The following GRID2 variants were observed in gnomAD, a reference collection of about 807,000 sequenced individuals.
GRID2 encodes glutamate ionotropic receptor delta type subunit 2.
Under a neutral mutation model 114.8 loss-of-function variants are expected in GRID2, and 33 were observed. The ratio of observed to expected loss-of-function variants is 0.29; its 90% CI spans 0.22 to 0.38. The LOEUF (loss-of-function observed/expected upper bound fraction) is 0.38, where lower values mean the gene tolerates loss of function less well. Among genes scored for constraint, GRID2 ranks in the 10% least tolerant of loss-of-function variants. The pLI is 1.00. For synonymous variants in GRID2, 505 were observed against 449.9 expected (o/e 1.12, Z -1.55); for missense variants, 1,184 against 1,257.7 (o/e 0.94, Z 0.89).
At chr4:92,761,986 T>A (rs1185664858) in intron 2 of GRID2, among the ~76,000 whole-genome samples, 1 of 152,196 alleles carries the variant, frequency 6.6e-6, no homozygotes, top group Non-Finnish European at 1.5e-5. Context: ...TGGAGTGCAG[T>A]GGCACAATCT....
chr4:93,276,035 G>T (rs1381615757), intron 8 of GRID2, among the ~76,000 whole-genome samples: 3 of 151,694 alleles, frequency 2.0e-5, no homozygotes, highest in Admixed American at 6.6e-5. Flanking sequence ...TTAACCCAAG[G>T]TCCCAAAACT....
chr4:93,376,595 C>T (rs867198934), intron 8 of GRID2, among the ~76,000 whole-genome samples: 5 of 152,116 alleles, frequency 3.3e-5, no homozygotes, highest in African/African-American at 1.2e-4. Flanking sequence ...TTAATACTGA[C>T]TGGTTATTTG....
intron 8 of GRID2, among the ~76,000 whole-genome samples, chr4:93,316,252 AAAAAG>A (rs756030917): frequency 1.3e-5 from 2 of 149,160 alleles, no homozygotes; most frequent in Non-Finnish European, 3.0e-5. Context: ...AGGCAAGAAA[AAAAAG>A]AAAGAAAGAG....
At chr4:93,242,618 C>T (rs962924628) in intron 8 of GRID2, among the ~76,000 whole-genome samples, 2 of 151,834 alleles carry the variant, frequency 1.3e-5, no homozygotes, top group East Asian at 1.9e-4. Context: ...AAGTATGGCT[C>T]GAGAGGTTAG....
chr4:93,088,359 C>T (rs1477158416), intron 3 of GRID2, among the ~76,000 whole-genome samples: 2 of 152,150 alleles, frequency 1.3e-5, no homozygotes, highest in African/African-American at 4.8e-5. Flanking sequence ...TCATTGCTCA[C>T]TTGCTCAGTG....
At chr4:93,731,932 C>T (rs1368490510) in intron 14 of GRID2, among the ~76,000 whole-genome samples, 1 of 152,142 alleles carries the variant, frequency 6.6e-6, no homozygotes, top group Non-Finnish European at 1.5e-5. Flanking sequence ...GACCCGTCTT[C>T]GCACAGAATC....
chr4:93,792,506 C>T (rs1391060437), intron 1 of GRID2, among the ~76,000 whole-genome samples: 1 of 152,152 alleles, frequency 6.6e-6, no homozygotes, highest in Non-Finnish European at 1.5e-5. Flanking sequence ...TTCTTCCTCA[C>T]CTACATTAGG....
chr4:92,494,114 G>A (rs942334996), intron 1 of GRID2, among the ~76,000 whole-genome samples: 1 of 151,944 alleles, frequency 6.6e-6, no homozygotes, highest in Non-Finnish European at 1.5e-5. Context: ...ATCTGCTATT[G>A]AGAAAATTTT....
intron 10 of GRID2, among the ~76,000 whole-genome samples, chr4:93,436,490 CA>C (rs1479197567): frequency 6.6e-6 from 1 of 152,042 alleles, no homozygotes; most frequent in African/African-American, 2.4e-5. Flanking sequence ...ACACCTAGAG[CA>C]AGCCTCGGGG....
chr4:92,338,079 A>T (rs1727279646), intron 1 of GRID2, among the ~76,000 whole-genome samples: 1 of 152,146 alleles, frequency 6.6e-6, no homozygotes, highest in South Asian at 2.1e-4. Flanking sequence ...TGCATGGAAG[A>T]GATTTTTCTT....
chr4:93,515,371 C>T lies in GRID2; in HGVS notation c.2153C>T (p.Ser718Leu), dbSNP rs757924739. The T allele has an allele frequency of 1.1e-5, 17 of 1,612,774 alleles. No homozygotes were observed. Among genetic ancestry groups the T allele is most frequent in the African/African-American group, 1.3e-5 (1 of 74,856 alleles). Reference sequence around the variant, plus strand: ...CGGATGATCAACCGAAGCAATGGATCGGAGAACAATGTTCTGGAGTCCCAG... The same window carrying T: ...CGGATGATCAACCGAAGCAATGGATTGGAGAACAATGTTCTGGAGTCCCAG... Reference protein sequence around the residue: ...MWRMINRSNGSENNVLESQAG... With the variant: ...MWRMINRSNGLENNVLESQAG... Residue 718 changes from serine to leucine, a missense_variant, in exon 13 of 16, where the codon TCG (serine) becomes TTG (leucine). By Grantham distance (145) the Ser-to-Leu change is moderately radical. Around this residue, in one of 3 missense-constraint regions of GRID2, gnomAD observed 717 missense variants for 796.9 expected, o/e 0.90. Transcript: ENST00000282020.
intron 8 of GRID2, among the ~76,000 whole-genome samples, chr4:93,393,409 A>G (rs891464501): frequency 1.3e-5 from 2 of 151,940 alleles, no homozygotes; most frequent in African/African-American, 2.4e-5. Context: ...GAGAGAAATT[A>G]TTGTCTTGTA....
intron 4 of GRID2, among the ~76,000 whole-genome samples, chr4:93,140,736 G>C (rs1041951603): frequency 6.6e-6 from 1 of 152,164 alleles, no homozygotes; most frequent in Non-Finnish European, 1.5e-5. Context: ...AGCATGTTAA[G>C]CAAATTTCAA....
chr4:92,703,185 CATG>C (rs749214313), intron 2 of GRID2, among the ~76,000 whole-genome samples: 1 of 151,982 alleles, frequency 6.6e-6, no homozygotes, highest in Non-Finnish European at 1.5e-5. Context: ...AGAAGAAAAA[CATG>C]GTAATAAATA....
chr4:93,032,113 A>G (rs890833559), intron 2 of GRID2, among the ~76,000 whole-genome samples: 1 of 152,144 alleles, frequency 6.6e-6, no homozygotes, highest in Admixed American at 6.6e-5. Flanking sequence ...ACTATACTCA[A>G]TTTCACCATA....
At chr4:92,552,939 A>C (rs1017701667) in intron 1 of GRID2, among the ~76,000 whole-genome samples, 6 of 152,160 alleles carry the variant, frequency 3.9e-5, no homozygotes, top group African/African-American at 1.4e-4. Flanking sequence ...ATTTTGCCAA[A>C]GGTAGATCAG....
chr4:92,512,786 T>C lies in GRID2; in HGVS notation c.89-77345T>C, dbSNP rs115718404. 5.7e-3 allele frequency among the ~76,000 whole-genome samples: 862 copies of C among 151,962 alleles called. 11 individuals carry two copies. The highest frequency in any genetic ancestry group is 0.02 in the African/African-American group (823 of 41,512). On this transcript the variant is annotated intron_variant, in intron 1 of 15. Coordinates refer to ENST00000282020, the MANE Select transcript of GRID2 (RefSeq NM_001510.4). ...CTGTTAGAAGTAAGAATGGGATAGT[T>C]TTATTTGTATAACCACTAAAGATTG...
chr4:92,386,646 C>T (rs1225639535), intron 1 of GRID2, among the ~76,000 whole-genome samples: 2 of 145,188 alleles, frequency 1.4e-5, no homozygotes. Context: ...AATTAAAACT[C>T]TCATTTAGCA....
chr4:93,000,043 A>G (rs1371550157), intron 2 of GRID2, among the ~76,000 whole-genome samples: 5 of 151,702 alleles, frequency 3.3e-5, no homozygotes, highest in Non-Finnish European at 5.9e-5. Context: ...AAATGTAACA[A>G]TCTCATTGGA....
Sources: gnomAD v4.1 joint callset for allele counts (sites outside exome capture counted in the v4.1 genomes callset) on GRCh38, gnomAD v4.1.1 for gene constraint, gnomAD v4.1.1 regional missense constraint, MANE v1.5 for transcripts, NCBI Gene and HGNC (gene_info 2026-07-23, HGNC 2026-07-21) for gene names.